FNBP4: variants seen among roughly 807,000 people sequenced by gnomAD.
FNBP4 encodes formin binding protein 4.
Under a neutral mutation model 119.3 loss-of-function variants are expected in FNBP4, and 34 were observed. The observed-to-expected ratio is 0.28, with a 90% CI of 0.22 to 0.38. The LOEUF (loss-of-function observed/expected upper bound fraction) is 0.38. FNBP4 is among the 10% of genes least tolerant of loss of function. FNBP4 has a pLI of 1.00. For missense variants in FNBP4, 1,112 were observed against 1,228.9 expected (o/e 0.90, Z 1.42); for synonymous variants, 462 against 430.6 (o/e 1.07, Z -0.90).
rs1255899511 is a variant in FNBP4 at position 47,732,131 on chromosome 11, T to G, written c.1820+406A>C. 5 of 1,003,810 alleles carry G rather than the reference T, an allele frequency of 5.0e-6. No homozygotes were observed. Among genetic ancestry groups the G allele is most frequent in the African/African-American group, 3.5e-5 (2 of 57,902 alleles). The allele number at this position is 1,003,810 out of a possible 1,614,324, so 62.2% of individuals were successfully genotyped here. A position where few individuals can be genotyped will look rare whatever the true frequency, so the allele number is the denominator to read the frequency against. ...TTTCATCTGACCTGCTGGCAGAGGA[T>G]AGTAATCTTGTTCTTCATTCACATC... On this transcript the variant is annotated intron_variant, in intron 11 of 16. Coordinates refer to ENST00000263773, the MANE Select transcript of FNBP4 (RefSeq NM_015308.5). The surrounding 1 kb of genome is among the most constrained non-coding windows in gnomAD (Gnocchi z 4.2).
At chr11:47,760,479 T>G (rs1046784242) in intron 2 of FNBP4, among the ~76,000 whole-genome samples, 38 of 151,346 alleles carry the variant, frequency 2.5e-4, no homozygotes, top group African/African-American at 9.0e-4. Context: ...TCACCCAGGC[T>G]GGAGCGCAGC....
chr11:47,738,997 G>A (rs758396337), intron 8 of FNBP4, among the ~76,000 whole-genome samples: 16 of 150,826 alleles, frequency 1.1e-4, no homozygotes, highest in African/African-American at 3.2e-4. Flanking sequence ...GAGGCACGGC[G>A]CCTGGCTTTT....
Position 47,720,060 on chromosome 11 carries a change from T to C in FNBP4, c.2832A>G (p.Pro944=), listed in dbSNP as rs756765390. 7.4e-6 allele frequency: 12 copies of C among 1,613,976 alleles called. No individual in the cohort carries two copies. In the East Asian group the frequency reaches 2.7e-4, roughly 36 times the overall value. ...DKAKKSKTKM[P]SLVKKWQSIQ... ...TACTCTGCCACTTTTTTACCAAAGA[T>C]GGCATTTTGGTCTTACTCTTCTTTG... Residue 944 remains proline, a synonymous_variant, in exon 16 of 17, where the codon CCA becomes CCG. Coordinates refer to ENST00000263773, the MANE Select transcript of FNBP4 (RefSeq NM_015308.5).
rs1265854667 is a variant in FNBP4 at position 47,724,599 on chromosome 11, G to A, written c.2188C>T (p.Pro730Ser). The A allele has an allele frequency of 6.2e-7, 1 of 1,613,986 alleles. No homozygotes were observed. Among genetic ancestry groups the A allele is most frequent in the Non-Finnish European group, 8.5e-7 (1 of 1,180,036 alleles). Residue 730 changes from proline (P) to serine (S), a missense_variant, in exon 13 of 17, where the codon CCT (proline) becomes TCT (serine). Physicochemically the swap from Pro to Ser is moderately conservative, Grantham distance 74. Around this residue, in one of 2 missense-constraint regions of FNBP4, gnomAD observed 826 missense variants for 988.8 expected, o/e 0.84. Coordinates refer to ENST00000263773, the MANE Select transcript of FNBP4 (RefSeq NM_015308.5). The stretch of plus-strand genomic sequence containing the variant: ...TGGATCTCACCATCTTCCGCAGGAG[G>A]AGGTGGTGGAGGAGGGGGTGGAGGT... ...ESPPPPPPPP[P>S]PAEDGEIQEV...
intron 15 of FNBP4, among the ~76,000 whole-genome samples, chr11:47,721,915 T>TA (rs66522425): frequency 0.21 from 21,535 of 104,438 alleles, 2,845 homozygotes; most frequent in African/African-American, 0.32. Context: ...ATCAAATGAT[T>TA]AAAAAAAAAA....
At chr11:47,736,254 A>AG in intron 9 of FNBP4, among the ~76,000 whole-genome samples, 1 of 2,168 alleles carries the variant, frequency 4.6e-4, no homozygotes, top group Non-Finnish European at 0.012. Flanking sequence ...AAAAAAAAAG[A>AG]AAAAAAAAAA....
chr11:47,762,607 CTT>C (rs916454890), intron 2 of FNBP4, among the ~76,000 whole-genome samples: 8 of 152,030 alleles, frequency 5.3e-5, no homozygotes, highest in African/African-American at 1.9e-4. Context: ...TAATTTTAAA[CTT>C]TTTTGTAGAG....
chr11:47,753,832 T>G (rs1302808782), intron 3 of FNBP4, among the ~76,000 whole-genome samples: 1 of 152,112 alleles, frequency 6.6e-6, no homozygotes, highest in Non-Finnish European at 1.5e-5. Context: ...CATTCTAAGC[T>G]TCTCAAATCA....
intron 9 of FNBP4, among the ~76,000 whole-genome samples, chr11:47,734,998 A>G (rs1313892334): frequency 7.1e-6 from 1 of 140,972 alleles, no homozygotes; most frequent in Non-Finnish European, 1.6e-5. Flanking sequence ...CCAAAAAAAA[A>G]GGAAATCTAA....
chr11:47,724,875 T>C, intron 12 of FNBP4, 97 bp from the exon 13 acceptor site: 6 of 1,452,316 alleles, frequency 4.1e-6, no homozygotes, highest in Non-Finnish European at 5.5e-6. Flanking sequence ...TAATCATTTA[T>C]AGGAACCTAG....
intron 12 of FNBP4, chr11:47,729,827 T>C (rs985892371): frequency 2.0e-6 from 2 of 985,444 alleles, no homozygotes; most frequent in African/African-American, 3.5e-5. Context: ...CTCTTAAATC[T>C]CACAGAACTT....
intron 8 of FNBP4, among the ~76,000 whole-genome samples, chr11:47,738,085 C>T (rs1209017837): frequency 6.6e-6 from 1 of 152,108 alleles, no homozygotes; most frequent in Non-Finnish European, 1.5e-5. Context: ...CCTTCCTGAA[C>T]TGGTGAAGAC....
intron 8 of FNBP4, among the ~76,000 whole-genome samples, chr11:47,737,916 T>C (rs1057200178): frequency 6.6e-6 from 1 of 152,098 alleles, no homozygotes; most frequent in Non-Finnish European, 1.5e-5. Context: ...CTGGCTACTT[T>C]TGTATTTTTA....
chr11:47,746,619 A>G (rs1046991288), intron 6 of FNBP4, among the ~76,000 whole-genome samples: 1 of 151,836 alleles, frequency 6.6e-6, no homozygotes, highest in Admixed American at 6.6e-5. Context: ...GGTTCAAGCT[A>G]TTCTCCTGTC....
chr11:47,756,918 C>T (rs1187310737), intron 2 of FNBP4, among the ~76,000 whole-genome samples: 2 of 152,132 alleles, frequency 1.3e-5, no homozygotes, highest in African/African-American at 4.8e-5. Context: ...TGTATATGTG[C>T]CACATTTTCT....
At chr11:47,729,358 GAAC>G in intron 12 of FNBP4, 1 of 985,292 alleles carries the variant, frequency 1.0e-6, no homozygotes, top group South Asian at 4.7e-5. Context: ...TGGATATCTT[GAAC>G]CCAACTCATC....
intron 9 of FNBP4, 136 bp downstream of exon 9, chr11:47,736,480 C>A: frequency 1.6e-6 from 1 of 609,492 alleles, no homozygotes; most frequent in Non-Finnish European, 2.7e-6. Flanking sequence ...GGCTTGAACC[C>A]AGGAGGCAGG....
intron 2 of FNBP4, among the ~76,000 whole-genome samples, chr11:47,764,163 G>C: frequency 6.6e-6 from 1 of 152,078 alleles, no homozygotes; most frequent in Non-Finnish European, 1.5e-5. Flanking sequence ...GCCCAGGCTG[G>C]AGTGCAGTGG....
At chr11:47,759,535 C>A (rs1201082245) in intron 2 of FNBP4, among the ~76,000 whole-genome samples, 1 of 151,964 alleles carries the variant, frequency 6.6e-6, no homozygotes, top group Non-Finnish European at 1.5e-5. Context: ...ATATTCTGAA[C>A]AAAATGTATT....
Sources: allele counts gnomAD v4.1 joint callset (sites outside exome capture counted in the v4.1 genomes callset), GRCh38; gene constraint gnomAD v4.1.1; regional missense constraint gnomAD v4.1.1; non-coding constraint Gnocchi (gnomAD v3.1); transcripts MANE v1.5; gene names NCBI Gene and HGNC (gene_info 2026-07-23, HGNC 2026-07-21).